The following ATXN1 variants were observed in gnomAD, a reference collection of about 807,000 sequenced individuals.
ATXN1 encodes ataxin-1.
A neutral mutation model predicts 56.4 loss-of-function variants in ATXN1; 8 were observed. The ratio of observed to expected loss-of-function variants is 0.14; its 90% confidence interval spans 0.08 to 0.26. The LOEUF is 0.26. Among genes scored for constraint, ATXN1 ranks in the 10% least tolerant of loss-of-function variants. The pLI, the probability that ATXN1 is intolerant of heterozygous loss-of-function variation, is 1.00. For synonymous variants in ATXN1, 514 were observed against 494.6 expected (o/e 1.04, Z -0.52); for missense variants, 987 against 1,106.5 (o/e 0.89, Z 1.53).
At chr6:16,619,603 G>T (rs1053451332) in intron 3 of ATXN1, among the ~76,000 whole-genome samples, 4 of 152,234 alleles carry the variant, frequency 2.6e-5, no homozygotes, top group African/African-American at 9.6e-5. Flanking sequence ...CACTAAAAAT[G>T]TTCATATTTA....
At chr6:16,679,807 A>G (rs1198674811) in intron 2 of ATXN1, among the ~76,000 whole-genome samples, 2 of 152,246 alleles carry the variant, frequency 1.3e-5, no homozygotes, top group Non-Finnish European at 2.9e-5. Flanking sequence ...GGTGTTTTCC[A>G]GCAAGTATTA....
intron 5 of ATXN1, among the ~76,000 whole-genome samples, chr6:16,490,147 A>C (rs1375503979): frequency 6.6e-6 from 1 of 151,948 alleles, no homozygotes; most frequent in Non-Finnish European, 1.5e-5. Context: ...AAAAAAAAAA[A>C]AAAACCAAAA....
chr6:16,334,452 T>C (rs975124162), intron 6 of ATXN1, among the ~76,000 whole-genome samples: 4 of 152,060 alleles, frequency 2.6e-5, no homozygotes, highest in Non-Finnish European at 5.9e-5. Flanking sequence ...AAAAATATAA[T>C]GTTCAGGCTG....
chr6:16,682,128 A>G (rs748181734), intron 2 of ATXN1, among the ~76,000 whole-genome samples: 45 of 151,858 alleles, frequency 3.0e-4, no homozygotes, highest in African/African-American at 6.5e-4. Context: ...CTTCTTTCTT[A>G]TTAAAGATTC....
chr6:16,703,216 C>T (rs1445178527), intron 2 of ATXN1, among the ~76,000 whole-genome samples: 1 of 151,990 alleles, frequency 6.6e-6, no homozygotes, highest in Non-Finnish European at 1.5e-5. Context: ...TCATTCTCAG[C>T]AAACTATCGC....
At chr6:16,409,901 T>C (rs945105667) in intron 6 of ATXN1, among the ~76,000 whole-genome samples, 1 of 152,184 alleles carries the variant, frequency 6.6e-6, no homozygotes, top group Non-Finnish European at 1.5e-5. Context: ...TCTGGGCTGA[T>C]GATGCTGGTT....
intron 2 of ATXN1, among the ~76,000 whole-genome samples, chr6:16,675,668 G>A (rs1397987299): frequency 6.6e-6 from 1 of 151,958 alleles, no homozygotes; most frequent in Non-Finnish European, 1.5e-5. Flanking sequence ...ATCATTTGAG[G>A]TCAGGAGTTC....
At chr6:16,591,238 T>G (rs913802050) in intron 3 of ATXN1, among the ~76,000 whole-genome samples, 1 of 152,162 alleles carries the variant, frequency 6.6e-6, no homozygotes. Context: ...ACTACAGGTG[T>G]GAGCCACAGT....
intron 6 of ATXN1, among the ~76,000 whole-genome samples, chr6:16,436,153 C>A (rs767905684): frequency 6.6e-6 from 1 of 152,190 alleles, no homozygotes; most frequent in Non-Finnish European, 1.5e-5. Flanking sequence ...CTGCTTCAGC[C>A]TCCCAAAGTG....
rs565253248 is a variant in ATXN1, at chr6:16,585,847, C to T, written c.-428G>A. The T allele has an allele frequency of 6.6e-6, 1 of 152,254 alleles. No homozygotes were observed. Among genetic ancestry groups the T allele is most frequent in the Non-Finnish European group, 1.5e-5 (1 of 68,024 alleles). The allele number at this position is 152,254 out of a possible 1,614,324, so 9.4% of individuals were successfully genotyped here. A position where few individuals can be genotyped will look rare whatever the true frequency, so the allele number is the denominator to read the frequency against. On this transcript the variant is annotated 5_prime_UTR_variant, in exon 4 of 8. In the 5' UTR this introduces an upstream ATG that the reference lacks. Coordinates refer to ENST00000436367, the MANE Select transcript of ATXN1 (RefSeq NM_001128164.2). ...CAGTTCCTTGCAGCAGATCTTTTCACGAAGATTTTGCTTGAGTAGAAAGGG... is the reference window on the plus strand; with the variant it reads ...CAGTTCCTTGCAGCAGATCTTTTCATGAAGATTTTGCTTGAGTAGAAAGGG...
At chr6:16,504,345 A>T (rs1034550434) in intron 5 of ATXN1, among the ~76,000 whole-genome samples, 9 of 152,202 alleles carry the variant, frequency 5.9e-5, no homozygotes, top group African/African-American at 2.2e-4. Flanking sequence ...CAGCCTGTAT[A>T]CAACACACAT....
chr6:16,576,684 G>A (rs1218190140), intron 4 of ATXN1, among the ~76,000 whole-genome samples: 1 of 152,148 alleles, frequency 6.6e-6, no homozygotes, highest in Non-Finnish European at 1.5e-5. Flanking sequence ...TTCCATGTAA[G>A]AGAGCATACA....
intron 7 of ATXN1, among the ~76,000 whole-genome samples, chr6:16,308,111 G>A (rs1477092464): frequency 6.6e-6 from 1 of 151,666 alleles, no homozygotes; most frequent in African/African-American, 2.4e-5. Context: ...CCAAGATCGT[G>A]CCACTTTACT....
chr6:16,714,734 G>C (rs1326851926), intron 2 of ATXN1, among the ~76,000 whole-genome samples: 2 of 152,132 alleles, frequency 1.3e-5, no homozygotes, highest in African/African-American at 2.4e-5. Flanking sequence ...AGCAAAAAAA[G>C]ATACTCATGC....
At chr6:16,679,020 G>C (rs1014119503) in intron 2 of ATXN1, among the ~76,000 whole-genome samples, 1 of 150,140 alleles carries the variant, frequency 6.7e-6, no homozygotes, top group African/African-American at 2.5e-5. Context: ...TGGGCAACAA[G>C]AGTGAAACTC....
intron 4 of ATXN1, among the ~76,000 whole-genome samples, chr6:16,573,761 T>C (rs906230359): frequency 1.3e-5 from 2 of 152,158 alleles, no homozygotes; most frequent in Admixed American, 1.3e-4. Context: ...TCTGTGTCCC[T>C]TCCTCATGCT....
At chr6:16,364,134 C>A (rs1268281981) in intron 6 of ATXN1, among the ~76,000 whole-genome samples, 2 of 152,064 alleles carry the variant, frequency 1.3e-5, no homozygotes, top group African/African-American at 4.8e-5. Flanking sequence ...GCCTTAAGGA[C>A]CCCCCACTGT....
At chr6:16,402,373 C>T (rs920152289) in intron 6 of ATXN1, among the ~76,000 whole-genome samples, 2 of 143,550 alleles carry the variant, frequency 1.4e-5, no homozygotes, top group African/African-American at 5.1e-5. Context: ...TTTTATTTAC[C>T]CTTTAATGTT....
intron 6 of ATXN1, among the ~76,000 whole-genome samples, chr6:16,369,172 A>T (rs926661601): frequency 1.3e-5 from 2 of 152,220 alleles, no homozygotes; most frequent in African/African-American, 4.8e-5. Context: ...TCTATGTTAA[A>T]GTAACTTGAA....
Sources: allele counts gnomAD v4.1 joint callset (sites outside exome capture counted in the v4.1 genomes callset), GRCh38; gene constraint gnomAD v4.1.1; transcripts MANE v1.5; gene names NCBI Gene and HGNC (gene_info 2026-07-23, HGNC 2026-07-21).